The following COL6A6 variants were observed in gnomAD, a reference collection of about 807,000 sequenced individuals.
COL6A6 encodes collagen type VI alpha 6 chain, also known as collagen alpha-6(VI) chain.
A neutral mutation model predicts 208.6 loss-of-function variants in COL6A6; 183 were observed. That is an observed-to-expected ratio of 0.88 (90% CI 0.78 to 0.99). COL6A6 has a LOEUF of 0.99. Among genes scored for constraint, COL6A6 ranks in the 50% least tolerant of loss-of-function variants. The pLI, the probability that COL6A6 is intolerant of heterozygous loss-of-function variation, is 0.00. For missense variants in COL6A6, 2,816 were observed against 2,815.2 expected, an observed-to-expected ratio of 1.00 and a Z score of -0.01; for synonymous variants, 973 against 1,011.8, an observed-to-expected ratio of 0.96 and a Z score of 0.73.
At chr3:130,672,911 A>C (rs1033940190) in intron 36 of COL6A6, among the ~76,000 whole-genome samples, 25 of 151,206 alleles carry the variant, frequency 1.7e-4, no homozygotes, top group Non-Finnish European at 2.9e-4. Flanking sequence ...TGGGAGGCTG[A>C]GGCAGGAGAA....
chr3:130,652,123 GGAACAGTAACT>G (rs1157418589), intron 33 of COL6A6, among the ~76,000 whole-genome samples: 1 of 152,198 alleles, frequency 6.6e-6, no homozygotes, highest in Admixed American at 6.5e-5. Context: ...TGTGGCGATA[GGAACAGTAACT>G]GCTGATCTTC....
At chr3:130,547,273 C>A (rs1045090590) in intron 1 of COL6A6, among the ~76,000 whole-genome samples, 2 of 152,266 alleles carry the variant, frequency 1.3e-5, no homozygotes, top group African/African-American at 4.8e-5. Context: ...GCTGGGGGAC[C>A]CAGCGCCCCC....
chr3:130,624,939 A>G (rs1236625861), intron 24 of COL6A6, among the ~76,000 whole-genome samples: 3 of 152,050 alleles, frequency 2.0e-5, no homozygotes, highest in Admixed American at 6.6e-5. Flanking sequence ...TTAACACTTG[A>G]CTCTACCAAT....
intron 1 of COL6A6, among the ~76,000 whole-genome samples, chr3:130,534,396 TACTC>T (rs1209709195): frequency 6.6e-6 from 1 of 152,226 alleles, no homozygotes; most frequent in Non-Finnish European, 1.5e-5. Flanking sequence ...TTAAATATAT[TACTC>T]CTTATAGTAG....
chr3:130,562,021 A>G (rs1349303378), intron 2 of COL6A6, among the ~76,000 whole-genome samples: 2 of 152,196 alleles, frequency 1.3e-5, no homozygotes, highest in African/African-American at 2.4e-5. Context: ...GAGCTCATAG[A>G]GTTAGCTGAA....
chr3:130,567,053 C>T lies in COL6A6; in HGVS notation c.1634C>T (p.Thr545Ile), dbSNP rs1340265086. The change falls in exon 5 of 37, where the codon ACA becomes ATA. Residue 545 changes from threonine (T) to isoleucine (I), a missense_variant. Physicochemically the swap from Thr to Ile is moderately conservative, Grantham distance 89. Transcript: ENST00000358511. The stretch of plus-strand genomic sequence containing the variant: ...GTTCCATGCCACCTTGTTGTCCTGA[C>T]AAATGGCATGTCCAAGGATAGCATC... ...NKVPCHLVVL[T>I]NGMSKDSILE... is the part of the protein sequence containing the mutation. 4 of 1,613,996 alleles carry T rather than the reference C, an allele frequency of 2.5e-6. No homozygotes were observed. The highest frequency in any genetic ancestry group is 3.4e-6 in the Non-Finnish European group (4 of 1,179,884).
chr3:130,608,884 G>A lies in COL6A6; in HGVS notation c.4690-18G>A. ...GTTCAGGAAACAGTGTTAACAGATT[G>A]ATTCTTTCTCGCCACAGGGAACAGC... On this transcript the variant is annotated intron_variant, in intron 21 of 36. Coordinates refer to ENST00000358511, the MANE Select transcript of COL6A6 (RefSeq NM_001102608.3). The A allele has an allele frequency of 2.0e-6, 3 of 1,477,458 alleles. No homozygotes were observed. The highest frequency in any genetic ancestry group is 2.7e-6 in the Non-Finnish European group (3 of 1,097,496). The allele number at this position is 1,477,458 out of a possible 1,614,324, so 91.5% of individuals were successfully genotyped here.
intron 24 of COL6A6, among the ~76,000 whole-genome samples, chr3:130,622,420 G>A (rs1389765074): frequency 6.6e-6 from 1 of 151,866 alleles, no homozygotes; most frequent in Admixed American, 6.6e-5. Flanking sequence ...TCTGTGGGTG[G>A]CATAATATAT....
intron 23 of COL6A6, among the ~76,000 whole-genome samples, chr3:130,615,829 T>C (rs906473918): frequency 2.0e-4 from 31 of 152,260 alleles, no homozygotes; most frequent in African/African-American, 7.2e-4. Flanking sequence ...TGGTCTAGAA[T>C]CCAAAATTGC....
chr3:130,524,627 AG>A (rs960284877), intron 1 of COL6A6, among the ~76,000 whole-genome samples: 1 of 150,422 alleles, frequency 6.6e-6, no homozygotes, highest in Non-Finnish European at 1.5e-5. Context: ...TACTTCCAAA[AG>A]CATGAAGGAC....
intron 21 of COL6A6, among the ~76,000 whole-genome samples, chr3:130,608,154 A>G (rs1045988423): frequency 1.2e-4 from 18 of 152,232 alleles, no homozygotes; most frequent in Non-Finnish European, 1.2e-4. Context: ...TTAAGTTTCA[A>G]CATACGTGTT....
chr3:130,598,107 C>T (rs1399234989), intron 18 of COL6A6, among the ~76,000 whole-genome samples: 2 of 152,196 alleles, frequency 1.3e-5, no homozygotes, highest in Admixed American at 1.3e-4. Flanking sequence ...ATCACCCTGG[C>T]TTGCCTTGGC....
Position 130,649,548 on chromosome 3 carries a change from A to C in COL6A6, c.5719A>C (p.Arg1907=). The C allele has an allele frequency of 6.3e-7, 1 of 1,590,558 alleles. No homozygotes were observed. The change falls in exon 33 of 37, where the codon AGG becomes CGG. Residue 1907 remains arginine (R), a synonymous_variant. Coordinates refer to ENST00000358511, the MANE Select transcript of COL6A6 (RefSeq NM_001102608.3). ...CACTTTCAGCAACGTGCCCTCGGTCAGGCGCGCATTTGCGGTATGAGGATG... is the reference window on the plus strand; with the variant it reads ...CACTTTCAGCAACGTGCCCTCGGTCCGGCGCGCATTTGCGGTATGAGGATG... ...VITFSNVPSV[R]RAFAIDDTGT... is the part of the protein sequence containing the mutation.
chr3:130,667,536 G>A (rs1018441224), intron 36 of COL6A6, among the ~76,000 whole-genome samples: 3 of 152,288 alleles, frequency 2.0e-5, no homozygotes, highest in South Asian at 4.1e-4. Context: ...ACCGAACCTG[G>A]CCTAAACAAA....
At position 130,624,906 on chromosome 3, in the gene COL6A6, C is replaced by A. The variant is rs374934613; in HGVS notation, c.4879-1579C>A. On this transcript the variant is annotated intron_variant, in intron 24 of 36. Coordinates refer to ENST00000358511, the MANE Select transcript of COL6A6 (RefSeq NM_001102608.3). ...TAAGTTCACATTTCCAGGAGGCAAG[C>A]AACCTGGCAGTTAATCCTGGGCTTA... is the stretch of plus-strand genomic sequence containing the variant. Among the ~76,000 whole-genome samples, 17 of 152,294 alleles carry A rather than the reference C, an allele frequency of 1.1e-4. No individual in the cohort carries two copies. The South Asian group carries it at 2.3e-3, about 20-fold the overall frequency.
intron 36 of COL6A6, among the ~76,000 whole-genome samples, chr3:130,667,529 G>A (rs114226197): frequency 0.019 from 2,949 of 152,206 alleles, 97 homozygotes; most frequent in African/African-American, 0.067. Context: ...GTGAGCCACC[G>A]AACCTGGCCT....
chr3:130,569,322 G>T (rs2063105129), intron 6 of COL6A6, among the ~76,000 whole-genome samples: 1 of 152,188 alleles, frequency 6.6e-6, no homozygotes, highest in African/African-American at 2.4e-5. Flanking sequence ...TTGCTTCAAA[G>T]GAAGTAAGGA....
chr3:130,666,252 T>C (rs1368252812), intron 36 of COL6A6, among the ~76,000 whole-genome samples: 4 of 152,240 alleles, frequency 2.6e-5, no homozygotes, highest in South Asian at 2.1e-4. Context: ...TGGGGAACAA[T>C]AGGGAAAATT....
At chr3:130,586,829 A>G (rs1481439001) in intron 11 of COL6A6, among the ~76,000 whole-genome samples, 169 bp downstream of exon 11, 1 of 152,222 alleles carries the variant, frequency 6.6e-6, no homozygotes, top group Non-Finnish European at 1.5e-5. Context: ...AAGAAATGTA[A>G]TACAGTAAAG....
Sources: gnomAD v4.1 joint callset for allele counts (sites outside exome capture counted in the v4.1 genomes callset) on GRCh38, gnomAD v4.1.1 for gene constraint, MANE v1.5 for transcripts, NCBI Gene and HGNC (gene_info 2026-07-23, HGNC 2026-07-21) for gene names.